The following VAPB variants were observed in gnomAD, a reference collection of about 807,000 sequenced individuals.
VAPB encodes the protein VAMP associated protein B and C, also known as vesicle-associated membrane protein-associated protein B/C.
Under a neutral mutation model 25.6 loss-of-function variants are expected in VAPB, and 7 were observed. That is an observed-to-expected ratio of 0.27 (90% CI 0.16 to 0.51). The LOEUF (loss-of-function observed/expected upper bound fraction) is 0.51. Among genes scored for constraint, VAPB ranks in the 20% least tolerant of loss-of-function variants. The pLI, the probability that VAPB is intolerant of heterozygous loss-of-function variation, is 0.97. For missense variants in VAPB, 266 were observed against 301.3 expected, an observed-to-expected ratio of 0.88 and a Z score of 0.87; for synonymous variants, 112 against 109.2, an observed-to-expected ratio of 1.03 and a Z score of -0.16.
Position 58,450,551 on chromosome 20 carries a change from A to G in VAPB, c.*6316A>G, listed in dbSNP as rs778588835. On this transcript the variant is annotated 3_prime_UTR_variant, in exon 6 of 6. Transcript: ENST00000475243. ...CAACTGCTGCCATTTGGAACTTCCT[A>G]TAAGAAACTAAAAATGATCTATTTC... 8.8e-6 allele frequency: 4 copies of G among 453,794 alleles called. No homozygotes were observed. Among genetic ancestry groups the G allele is most frequent in the South Asian group, 4.7e-5 (3 of 64,474 alleles). 28.1% of individuals were successfully genotyped at this position (453,794 alleles called of 1,614,324 possible).
At chr20:58,418,543 A>G (rs1452282764) in intron 2 of VAPB, among the ~76,000 whole-genome samples, 180 bp downstream of exon 2, 1 of 126,044 alleles carries the variant, frequency 7.9e-6, no homozygotes, top group Non-Finnish European at 1.6e-5. Context: ...GCTGGGTCCC[A>G]GTCGCCTGTT....
At chr20:58,404,534 GTAGTA>G (rs1276263511) in intron 1 of VAPB, among the ~76,000 whole-genome samples, 1 of 152,192 alleles carries the variant, frequency 6.6e-6, no homozygotes, top group African/African-American at 2.4e-5. Flanking sequence ...GCAGTTAGAG[GTAGTA>G]TACTGCCCAG....
chr20:58,411,551 C>G (rs184229515), intron 1 of VAPB, among the ~76,000 whole-genome samples: 86 of 152,314 alleles, frequency 5.6e-4, no homozygotes, highest in African/African-American at 2.0e-3. Context: ...TGATTACAGG[C>G]GTGAGCCACC....
Position 58,446,721 on chromosome 20 carries a change from T to C in VAPB, c.*2486T>C, listed in dbSNP as rs975151505. Reference sequence around the variant, plus strand: ...CTTGGTGAACATGTTTGTGGGCCTTTTGACTGAGTGGCAGAAGGAAACTGC... The same window carrying C: ...CTTGGTGAACATGTTTGTGGGCCTTCTGACTGAGTGGCAGAAGGAAACTGC... On this transcript the variant is annotated 3_prime_UTR_variant, in exon 6 of 6. Coordinates refer to ENST00000475243, the MANE Select transcript of VAPB (RefSeq NM_004738.5). 2.6e-5 allele frequency: 12 copies of C among 453,958 alleles called. No homozygotes were observed. The highest frequency in any genetic ancestry group is 2.1e-4 in the Admixed American group (9 of 42,564). The allele number at this position is 453,958 out of a possible 1,614,324, so 28.1% of individuals were successfully genotyped here.
chr20:58,424,731 C>A (rs1988749862), intron 2 of VAPB, among the ~76,000 whole-genome samples: 2 of 152,182 alleles, frequency 1.3e-5, no homozygotes, highest in Non-Finnish European at 2.9e-5. Context: ...TCCATTGATA[C>A]TGGAGAAAGG....
intron 2 of VAPB, among the ~76,000 whole-genome samples, chr20:58,423,813 G>A (rs1169331336): frequency 1.3e-5 from 2 of 152,154 alleles, no homozygotes; most frequent in Admixed American, 1.3e-4. Flanking sequence ...CATGAACCAG[G>A]CTTATTACTC....
intron 2 of VAPB, among the ~76,000 whole-genome samples, chr20:58,425,716 C>T (rs13043088): frequency 0.12 from 18,732 of 151,986 alleles, 1,177 homozygotes; most frequent in African/African-American, 0.14. Context: ...CAGCAGCAGC[C>T]CACTTGGGGA....
At chr20:58,396,444 T>C (rs1987960929) in intron 1 of VAPB, among the ~76,000 whole-genome samples, 1 of 152,218 alleles carries the variant, frequency 6.6e-6, no homozygotes, top group African/African-American at 2.4e-5. Flanking sequence ...CTGCAGTGTT[T>C]TTCATCTTTT....
At position 58,447,002 on chromosome 20, in the gene VAPB, G is replaced by A. The variant is rs567568449; in HGVS notation, c.*2767G>A. 5.3e-5 allele frequency: 24 copies of A among 454,094 alleles called. No individual in the cohort carries two copies. The highest frequency in any genetic ancestry group is 7.9e-5 in the Non-Finnish European group (18 of 226,786). 28.1% of individuals were successfully genotyped at this position (454,094 alleles called of 1,614,324 possible). A position where few individuals can be genotyped will look rare whatever the true frequency, so the allele number is the denominator to read the frequency against. ...GGGTTAAGAGTCAGATAATCGGGACGAAACTGGCATGGAAAGAGCGAGCCT... is the reference window on the plus strand; with the variant it reads ...GGGTTAAGAGTCAGATAATCGGGACAAAACTGGCATGGAAAGAGCGAGCCT... On this transcript the variant is annotated 3_prime_UTR_variant, in exon 6 of 6. Transcript: ENST00000475243.
At chr20:58,440,868 TGGTC>T (rs2123099652) in intron 4 of VAPB, 35 bp from the exon 5 acceptor site, 1 of 1,600,724 alleles carries the variant, frequency 6.2e-7, no homozygotes, top group East Asian at 2.2e-5. Flanking sequence ...CATTATTACA[TGGTC>T]GGTGACACTT....
intron 2 of VAPB, among the ~76,000 whole-genome samples, chr20:58,424,090 A>G (rs569567070): frequency 3.0e-4 from 46 of 152,358 alleles, no homozygotes; most frequent in African/African-American, 1.1e-3. Flanking sequence ...TGTCTACCTC[A>G]GTTAGCTGAA....
At chr20:58,389,568 T>A (rs1406310825) in intron 1 of VAPB, 51 bp downstream of exon 1, 2 of 1,521,158 alleles carry the variant, frequency 1.3e-6, no homozygotes, top group Admixed American at 4.1e-5. Flanking sequence ...GCCCCAGTGC[T>A]GGAAGGACGG....
Position 58,444,714 on chromosome 20 carries a change from C to G in VAPB, c.*479C>G. The G allele has an allele frequency of 2.2e-6, 1 of 454,544 alleles. No homozygotes were observed. Among genetic ancestry groups the G allele is most frequent in the South Asian group, 1.6e-5 (1 of 64,476 alleles). The allele number at this position is 454,544 out of a possible 1,614,324, so 28.2% of individuals were successfully genotyped here. ...CAGGCTGCTTTCCGTGTCTTCAGTT[C>G]TGTCCAAGCCATCAGCTCCTTGGGA... is the stretch of plus-strand genomic sequence containing the variant. On this transcript the variant is annotated 3_prime_UTR_variant, in exon 6 of 6. Coordinates refer to ENST00000475243, the MANE Select transcript of VAPB (RefSeq NM_004738.5).
At chr20:58,434,418 T>A (rs1239572818) in intron 2 of VAPB, among the ~76,000 whole-genome samples, 184 bp from the exon 3 acceptor site, 1 of 152,180 alleles carries the variant, frequency 6.6e-6, no homozygotes, top group African/African-American at 2.4e-5. Flanking sequence ...ATTTTGTGGC[T>A]CTTAGGTTGG....
At chr20:58,423,115 T>C (rs1988702104) in intron 2 of VAPB, among the ~76,000 whole-genome samples, 1 of 151,980 alleles carries the variant, frequency 6.6e-6, no homozygotes, top group Non-Finnish European at 1.5e-5. Flanking sequence ...GTTTTTCCAG[T>C]AAAATCCTCA....
intron 2 of VAPB, among the ~76,000 whole-genome samples, chr20:58,432,901 C>CT (rs2123086016): frequency 1.3e-5 from 2 of 152,338 alleles, no homozygotes; most frequent in South Asian, 4.1e-4. Context: ...GGTTTACTCT[C>CT]TGACAGTTAT....
At chr20:58,397,286 G>T (rs1487457064) in intron 1 of VAPB, among the ~76,000 whole-genome samples, 1 of 152,164 alleles carries the variant, frequency 6.6e-6, no homozygotes, top group East Asian at 1.9e-4. Flanking sequence ...TTGGGAGGCT[G>T]AGGCAGGCAG....
intron 1 of VAPB, among the ~76,000 whole-genome samples, chr20:58,417,356 G>T (rs558573942): frequency 6.6e-6 from 1 of 152,316 alleles, no homozygotes; most frequent in South Asian, 2.1e-4. Context: ...GATGTGGAAA[G>T]ATCTCCCATA....
intron 3 of VAPB, among the ~76,000 whole-genome samples, chr20:58,435,757 G>A (rs1327865087): frequency 1.3e-5 from 2 of 152,158 alleles, no homozygotes; most frequent in African/African-American, 2.4e-5. Flanking sequence ...ATAATAGGCT[G>A]TCTTCTTTTC....
Sources: allele counts gnomAD v4.1 joint callset (sites outside exome capture counted in the v4.1 genomes callset), GRCh38; gene constraint gnomAD v4.1.1; transcripts MANE v1.5; gene names NCBI Gene and HGNC (gene_info 2026-07-23, HGNC 2026-07-21).